The following TENM1 variants were observed in gnomAD, a reference collection of about 807,000 sequenced individuals.
TENM1 encodes the protein teneurin transmembrane protein 1.
TENM1 carries 35 observed loss-of-function variants against 174.8 expected under a neutral mutation model. The observed-to-expected ratio is 0.20, with a 90% CI of 0.15 to 0.27. TENM1 has a LOEUF of 0.27. TENM1 is among the 10% of genes least tolerant of loss of function. The pLI, the probability that TENM1 is intolerant of heterozygous loss-of-function variation, is 1.00. For missense variants in TENM1, 1,633 were observed against 2,130.1 expected (o/e 0.77, Z 4.59); for synonymous variants, 781 against 798.7 (o/e 0.98, Z 0.37).
chrX:124,869,909 G>A (rs930709038), intron 3 of TENM1, among the ~76,000 whole-genome samples: 4 of 110,995 alleles, frequency 3.6e-5, no homozygotes, highest in African/African-American at 1.3e-4. Context: ...CCTACTATAC[G>A]ACAGCACAAC....
At chrX:125,005,807 G>C in the TENM1 span, among the ~76,000 whole-genome samples, 6 of 111,378 alleles carry the variant, frequency 5.4e-5, no homozygotes, top group Admixed American at 3.8e-4. Context: ...CCCAGCCAAG[G>C]GAAGCTATTA....
chrX:124,718,603 AT>A (rs752727036), intron 4 of TENM1, among the ~76,000 whole-genome samples: 1 of 112,249 alleles, frequency 8.9e-6, no homozygotes, highest in East Asian at 2.8e-4. Context: ...AGAGGCTCAG[AT>A]TTAAATGGAT....
intron 18 of TENM1, among the ~76,000 whole-genome samples, chrX:124,511,356 G>A (rs1411716871): frequency 8.9e-6 from 1 of 112,026 alleles, no homozygotes; most frequent in Admixed American, 9.5e-5. Flanking sequence ...TAACGATTAT[G>A]AATTCATGAG....
chrX:124,980,151 C>T, the TENM1 span, among the ~76,000 whole-genome samples: 1 of 111,000 alleles, frequency 9.0e-6, no homozygotes, highest in Admixed American at 9.7e-5. Flanking sequence ...ATGGAAGGAT[C>T]GCTTGAAGCC....
chrX:125,016,091 A>G, the TENM1 span, among the ~76,000 whole-genome samples: 1 of 111,400 alleles, frequency 9.0e-6, no homozygotes, highest in Non-Finnish European at 1.9e-5. Flanking sequence ...TGTATATAAA[A>G]ATCTCTTGAA....
intron 3 of TENM1, among the ~76,000 whole-genome samples, chrX:124,782,208 G>A (rs1385899711): frequency 7.2e-5 from 8 of 111,712 alleles, no homozygotes; most frequent in Admixed American, 6.7e-4. Flanking sequence ...CATTTTAGGT[G>A]AATGAGAAAC....
intron 7 of TENM1, among the ~76,000 whole-genome samples, chrX:124,652,743 T>G (rs1433614072): frequency 9.2e-6 from 1 of 109,215 alleles, no homozygotes; most frequent in African/African-American, 3.5e-5. Flanking sequence ...GGGTGACATA[T>G]TTACATATTC....
At position 124,442,138 on chromosome X, in the gene TENM1, C is replaced by A. The variant is rs1241137698; in HGVS notation, c.4104+11199G>T. On this transcript the variant is annotated intron_variant, in intron 23 of 31. Transcript: ENST00000422452. Reference sequence around the variant, plus strand: ...ACTCACTCTTTCCTTCTACCACATGCCCTTGTGTCTGAATTATCTGGAGTG... The same window carrying A: ...ACTCACTCTTTCCTTCTACCACATGACCTTGTGTCTGAATTATCTGGAGTG... Among the ~76,000 whole-genome samples the A allele has an allele frequency of 1.1e-4, 12 of 112,284 alleles. No homozygotes were observed. In the Admixed American group the frequency reaches 1.1e-3, roughly 11 times the overall value.
chrX:124,618,042 A>G (rs780664988), intron 11 of TENM1, among the ~76,000 whole-genome samples: 10 of 112,338 alleles, frequency 8.9e-5, no homozygotes, highest in Admixed American at 2.8e-4. Context: ...AAATGTCAGT[A>G]TACTTAAGTC....
In TENM1 at chrX:124,626,761, CT is replaced by C. The variant is rs202084758; in HGVS notation, c.2077+15029del. ...AAGTCTTAAGGGACTGTGTGAGTTG[CT>C]TTCCCATGAAGCAGTGTTTTAGAGG... On this transcript the variant is annotated intron_variant, in intron 11 of 31. Transcript: ENST00000422452. 9.0e-3 allele frequency among the ~76,000 whole-genome samples: 1,009 copies of C among 111,862 alleles called. 13 individuals are homozygous for C. The highest frequency in any genetic ancestry group is 0.031 in the African/African-American group (969 of 30,810).
At chrX:124,494,519 T>TTTA (rs1414911178) in intron 20 of TENM1, among the ~76,000 whole-genome samples, 14 of 104,571 alleles carry the variant, frequency 1.3e-4, no homozygotes, top group African/African-American at 5.2e-4. Flanking sequence ...TTATTTATTT[T>TTTA]TTATTATTAT....
At chrX:125,072,606 A>G in the TENM1 span, among the ~76,000 whole-genome samples, 1 of 111,979 alleles carries the variant, frequency 8.9e-6, no homozygotes, top group Non-Finnish European at 1.9e-5. Context: ...GTAATGAACA[A>G]GAAATCTTCA....
rs779397753 is a variant in TENM1, at chrX:124,453,609, T to C, written c.3950-118A>G. 15 of 656,467 alleles carry C rather than the reference T, an allele frequency of 2.3e-5. No homozygotes were observed. In the South Asian group the frequency reaches 4.1e-4, roughly 18 times the overall value. The allele number at this position is 656,467 out of a possible 1,213,427, so 54.1% of individuals were successfully genotyped here. A position where few individuals can be genotyped will look rare whatever the true frequency, so the allele number is the denominator to read the frequency against. On this transcript the variant is annotated intron_variant, in intron 22 of 31. Transcript: ENST00000422452. The stretch of plus-strand genomic sequence containing the variant: ...CATTTTAAAGACATATAGATTCAAT[T>C]TTGCTCAGCACAGACAGGACAGTAA...
At chrX:124,664,382 A>G (rs1428892636) in intron 6 of TENM1, among the ~76,000 whole-genome samples, 1 of 110,370 alleles carries the variant, frequency 9.1e-6, no homozygotes, top group Non-Finnish European at 1.9e-5. Context: ...TTAGTTTGGT[A>G]CCACATAATG....
At chrX:124,613,099 T>C (rs779102506) in intron 11 of TENM1, among the ~76,000 whole-genome samples, 1 of 111,546 alleles carries the variant, frequency 9.0e-6, no homozygotes, top group Non-Finnish European at 1.9e-5. Context: ...TTCATTTTGG[T>C]GGTGAGAGGT....
the TENM1 span, among the ~76,000 whole-genome samples, chrX:125,069,359 C>T: frequency 8.9e-6 from 1 of 111,762 alleles, no homozygotes; most frequent in Non-Finnish European, 1.9e-5. Context: ...GCATGGTATT[C>T]CATGGTATAT....
At chrX:124,495,956 C>T (rs1362311934) in intron 20 of TENM1, among the ~76,000 whole-genome samples, 1 of 101,128 alleles carries the variant, frequency 9.9e-6, no homozygotes, top group Admixed American at 1.1e-4. Context: ...ATCACACTAC[C>T]TGACTTCAAA....
chrX:125,067,399 G>A, the TENM1 span, among the ~76,000 whole-genome samples: 1 of 110,536 alleles, frequency 9.0e-6, no homozygotes, highest in Non-Finnish European at 1.9e-5. Context: ...TCCAGGTAAG[G>A]GAAATTTTGC....
intron 3 of TENM1, among the ~76,000 whole-genome samples, chrX:124,778,302 T>C (rs2054831003): frequency 8.9e-6 from 1 of 112,040 alleles, no homozygotes; most frequent in Non-Finnish European, 1.9e-5. Context: ...TGACCTGGGA[T>C]TCAATCTGTG....
Sources: gnomAD v4.1 joint callset for allele counts (sites outside exome capture counted in the v4.1 genomes callset) on GRCh38, gnomAD v4.1.1 for gene constraint, MANE v1.5 for transcripts, NCBI Gene and HGNC (gene_info 2026-07-23, HGNC 2026-07-21) for gene names.